Variants in MNS1 observed in about 807,000 individuals in gnomAD.
MNS1 encodes the protein meiosis specific nuclear structural 1, also known as meiosis-specific nuclear structural protein 1.
Under a neutral mutation model 72.0 loss-of-function variants are expected in MNS1, and 63 were observed. The observed-to-expected ratio is 0.87, with a 90% CI of 0.71 to 1.08. MNS1 has a LOEUF of 1.08. MNS1 is among the 50% of genes least tolerant of loss of function. The pLI is 0.00. For synonymous variants in MNS1, 188 were observed against 172.1 expected (o/e 1.09, Z -0.72); for missense variants, 604 against 562.4 (o/e 1.07, Z -0.75).
chr15:56,443,812 C>T lies in MNS1; in HGVS notation c.729G>A (p.Arg243=). 1 of 1,608,604 alleles carries T rather than the reference C, an allele frequency of 6.2e-7. No homozygotes were observed. The highest frequency in any genetic ancestry group is 1.3e-5 in the African/African-American group (1 of 74,790). Residue 243 remains arginine, a synonymous_variant, in exon 6 of 10, where the codon AGG becomes AGA. Coordinates refer to ENST00000260453, the MANE Select transcript of MNS1 (RefSeq NM_018365.4). ...GCTCTTTCTGAAACTCTTCTATATA[C>T]CTTCGCATTGCATTCATTTTTTCTA... ...QKLEKMNAMR[R]YIEEFQKEQA...
In MNS1 at chr15:56,460,009, A is replaced by AAAAAATATATATAT; in HGVS notation, c.226-3489_226-3488insATATATATATTTTT. On this transcript the variant is annotated intron_variant, in intron 2 of 9. Transcript: ENST00000260453. ...CTGTCTCAAAAAAAAAAAAAAAAAA[A>AAAAAATATATATAT]ATACATATATATATATATATATATA... Among the ~76,000 whole-genome samples the AAAAAATATATATAT allele has an allele frequency of 3.4e-4, 9 of 26,386 alleles. 2 individuals are homozygous for AAAAAATATATATAT. The highest frequency in any genetic ancestry group is 1.5e-3 in the South Asian group (1 of 674). The allele number at this position is 26,386 out of a possible 152,430, so 17.3% of individuals were successfully genotyped here. A position where few individuals can be genotyped will look rare whatever the true frequency, so the allele number is the denominator to read the frequency against.
rs1308870395 is a variant in MNS1, at chr15:56,464,950, A to C, written c.3+20T>G. On this transcript the variant is annotated intron_variant, in intron 1 of 9. Transcript: ENST00000260453. The stretch of plus-strand genomic sequence containing the variant: ...AAATCAACAATAAACAAGTAGTTTC[A>C]AGTCCCCCAACTGGCTCACCATCTT... The C allele has an allele frequency of 3.1e-6, 5 of 1,611,566 alleles. No individual in the cohort carries two copies. Among genetic ancestry groups the C allele is most frequent in the Non-Finnish European group, 3.4e-6 (4 of 1,179,090 alleles).
At chr15:56,460,843 G>A (rs1240440309) in intron 2 of MNS1, among the ~76,000 whole-genome samples, 2 of 152,112 alleles carry the variant, frequency 1.3e-5, no homozygotes, top group Non-Finnish European at 2.9e-5. Flanking sequence ...AAATATAAGA[G>A]AGAAATTTTG....
rs562865908 is a variant in MNS1 at position 56,432,814 on chromosome 15, T to C, written c.1270-1316A>G. Among the ~76,000 whole-genome samples, 40 of 152,290 alleles carry C rather than the reference T, an allele frequency of 2.6e-4. No individual in the cohort carries two copies. The South Asian group carries it at 7.2e-3, about 28-fold the overall frequency. On this transcript the variant is annotated intron_variant, in intron 8 of 9. Transcript: ENST00000260453. The stretch of plus-strand genomic sequence containing the variant: ...CACTTGTATTCCCATGAGTTTCTCA[T>C]ATTTGAAACATCTGCATTATTTTGA...
At chr15:56,436,880 A>G (rs1321738480) in intron 7 of MNS1, among the ~76,000 whole-genome samples, 2 of 152,192 alleles carry the variant, frequency 1.3e-5, no homozygotes, top group East Asian at 3.8e-4. Flanking sequence ...CTGGACACAT[A>G]CACCCTCCCA....
At chr15:56,461,660 CAAA>C (rs11294380) in intron 2 of MNS1, among the ~76,000 whole-genome samples, 9 of 57,088 alleles carry the variant, frequency 1.6e-4, no homozygotes, top group Non-Finnish European at 2.6e-4. Context: ...GACTCTGTCT[CAAA>C]AAAAAAAAAA....
At chr15:56,455,965 A>G (rs1431465269) in intron 3 of MNS1, among the ~76,000 whole-genome samples, 1 of 152,056 alleles carries the variant, frequency 6.6e-6, no homozygotes, top group Non-Finnish European at 1.5e-5. Context: ...AATGGGGGGG[A>G]AGATAATTTA....
rs560562513 is a variant in MNS1 at position 56,464,834 on chromosome 15, C to T, written c.3+136G>A. 3.7e-4 allele frequency: 467 copies of T among 1,272,482 alleles called. 6 individuals are homozygous for T. In the South Asian group the frequency reaches 5.8e-3, roughly 16 times the overall value. The allele number at this position is 1,272,482 out of a possible 1,614,324, so 78.8% of individuals were successfully genotyped here. A position where few individuals can be genotyped will look rare whatever the true frequency, so the allele number is the denominator to read the frequency against. Reference sequence around the variant, plus strand: ...GCGTCCCTTCTAATAGCACCTGAAGCCTCCGAAAGCAAATACAAGTTCCCC... The same window carrying T: ...GCGTCCCTTCTAATAGCACCTGAAGTCTCCGAAAGCAAATACAAGTTCCCC... On this transcript the variant is annotated intron_variant, in intron 1 of 9. Coordinates refer to ENST00000260453, the MANE Select transcript of MNS1 (RefSeq NM_018365.4).
chr15:56,444,452 T>C lies in MNS1; in HGVS notation c.678A>G (p.Glu226=), dbSNP rs764895497. Residue 226 remains glutamate (E), a synonymous_variant, in exon 5 of 10, where the codon GAA becomes GAG. Transcript: ENST00000260453. Reference sequence around the variant, plus strand: ...AGTTAGGATAAACTTACAACTGATCTTCTTCATAGATCTTCCTAACAATTT... The same window carrying C: ...AGTTAGGATAAACTTACAACTGATCCTCTTCATAGATCTTCCTAACAATTT... ...IDEIVRKIYE[E]DQLEKQQKLE... is the part of the protein sequence containing the mutation. The C allele has an allele frequency of 6.2e-7, 1 of 1,604,936 alleles. No individual in the cohort carries two copies.
chr15:56,432,074 C>G (rs889253383), intron 8 of MNS1, among the ~76,000 whole-genome samples: 1 of 152,120 alleles, frequency 6.6e-6, no homozygotes, highest in Non-Finnish European at 1.5e-5. Context: ...ACTGTACTTG[C>G]ATTCAAACCT....
Position 56,434,235 on chromosome 15 carries a change from A to C in MNS1, c.1172T>G (p.Leu391Ter), listed in dbSNP as rs1192673461. 6 of 1,613,968 alleles carry C rather than the reference A, an allele frequency of 3.7e-6. No homozygotes were observed. The highest frequency in any genetic ancestry group is 5.1e-6 in the Non-Finnish European group (6 of 1,179,938). The part of the protein sequence containing the change: ...AKFAEDDRIE[L>*]MNAQKQRMKQ... ...CATTCTTTGTTTCTGAGCATTCATT[A>C]ATTCTATTCGATCATCCTCAGCAAA... The change falls in exon 8 of 10, where the codon TTA becomes TGA. Residue 391 changes from leucine (L) to a stop codon, truncating the protein, a stop_gained. Coordinates refer to ENST00000260453, the MANE Select transcript of MNS1 (RefSeq NM_018365.4). LOFTEE classifies it high-confidence loss of function.
At chr15:56,448,915 G>A (rs1345064970) in intron 3 of MNS1, among the ~76,000 whole-genome samples, 5 of 151,870 alleles carry the variant, frequency 3.3e-5, no homozygotes, top group South Asian at 2.1e-4. Flanking sequence ...CACCATGCCC[G>A]GTTAATTTTT....
At chr15:56,430,763 T>G (rs755739987) in intron 9 of MNS1, among the ~76,000 whole-genome samples, 3 of 152,134 alleles carry the variant, frequency 2.0e-5, no homozygotes, top group Non-Finnish European at 4.4e-5. Context: ...CTATTACTGG[T>G]GTTACCAGTG....
intron 7 of MNS1, among the ~76,000 whole-genome samples, chr15:56,442,740 GTAGACA>G (rs1412603631): frequency 6.6e-6 from 1 of 152,068 alleles, no homozygotes; most frequent in East Asian, 1.9e-4. Flanking sequence ...CTACTTGAGG[GTAGACA>G]TAGGAGGAGG....
intron 7 of MNS1, among the ~76,000 whole-genome samples, chr15:56,438,332 CTTTT>C (rs1177317562): frequency 1.3e-5 from 2 of 151,348 alleles, no homozygotes; most frequent in African/African-American, 4.8e-5. Flanking sequence ...ACCATCTGCT[CTTTT>C]TTTTTGTTAC....
intron 7 of MNS1, among the ~76,000 whole-genome samples, chr15:56,438,196 TG>T (rs1221979044): frequency 1.3e-5 from 2 of 152,148 alleles, no homozygotes; most frequent in African/African-American, 4.8e-5. Context: ...GGAGGCATCA[TG>T]CTACCTGAAT....
At chr15:56,435,632 G>T (rs2050710320) in intron 7 of MNS1, among the ~76,000 whole-genome samples, 1 of 151,808 alleles carries the variant, frequency 6.6e-6, no homozygotes, top group Non-Finnish European at 1.5e-5. Context: ...TATGAAATAA[G>T]GTAATCTGAA....
At chr15:56,433,160 A>G (rs1338981766) in intron 8 of MNS1, among the ~76,000 whole-genome samples, 1 of 148,372 alleles carries the variant, frequency 6.7e-6, no homozygotes, top group African/African-American at 2.5e-5. Context: ...CTTTTCCTCT[A>G]TACTCTTTCC....
Position 56,447,148 on chromosome 15 carries a change from C to G in MNS1, c.354-205G>C. On this transcript the variant is annotated intron_variant, in intron 3 of 9. Transcript: ENST00000260453. ...TACATTTTCTGGTTGAAAAGTACTG[C>G]TCTGTTCTATTACATTCATCTGTTT... 5 of 473,578 alleles carry G rather than the reference C, an allele frequency of 1.1e-5. No homozygotes were observed. The South Asian group carries it at 1.2e-4, about 11-fold the overall frequency. The allele number at this position is 473,578 out of a possible 1,614,324, so 29.3% of individuals were successfully genotyped here. A position where few individuals can be genotyped will look rare whatever the true frequency, so the allele number is the denominator to read the frequency against.
Sources: allele counts gnomAD v4.1 joint callset (sites outside exome capture counted in the v4.1 genomes callset), GRCh38; gene constraint gnomAD v4.1.1; transcripts MANE v1.5; gene names NCBI Gene and HGNC (gene_info 2026-07-23, HGNC 2026-07-21).